Variants in SPOCK1 observed in about 807,000 individuals in gnomAD.
SPOCK1 encodes SPARC (osteonectin), cwcv and kazal like domains proteoglycan 1.
A neutral mutation model predicts 55.3 loss-of-function variants in SPOCK1; 23 were observed. That is an observed-to-expected ratio of 0.42 (90% CI 0.30 to 0.59). The LOEUF (loss-of-function observed/expected upper bound fraction) is 0.59. SPOCK1 is among the 20% of genes least tolerant of loss of function. SPOCK1 has a pLI of 0.22. For missense variants in SPOCK1, 499 were observed against 552.5 expected (o/e 0.90, Z 0.97); for synonymous variants, 226 against 221.0 (o/e 1.02, Z -0.20).
intron 8 of SPOCK1, among the ~76,000 whole-genome samples, chr5:136,985,458 C>T (rs576278437): frequency 7.2e-5 from 11 of 151,960 alleles, no homozygotes; most frequent in African/African-American, 2.4e-4. Context: ...CTAGTACCAA[C>T]TCAAGCAAAT....
At chr5:137,384,962 G>A (rs1042940986) in intron 2 of SPOCK1, among the ~76,000 whole-genome samples, 3 of 152,104 alleles carry the variant, frequency 2.0e-5, no homozygotes, top group Non-Finnish European at 2.9e-5. Flanking sequence ...TAGGATGGGG[G>A]GGGCGGTGCA....
intron 2 of SPOCK1, among the ~76,000 whole-genome samples, chr5:137,339,619 C>G (rs2127155291): frequency 6.6e-6 from 1 of 152,206 alleles, no homozygotes; most frequent in South Asian, 2.1e-4. Flanking sequence ...TCTTAAAGCT[C>G]CTTTTTTTTT....
At chr5:137,070,860 C>T (rs1752598339) in intron 5 of SPOCK1, among the ~76,000 whole-genome samples, 1 of 152,122 alleles carries the variant, frequency 6.6e-6, no homozygotes, top group South Asian at 2.1e-4. Context: ...CTGCAGGCAG[C>T]TCAGTCTCCT....
At chr5:137,191,616 T>C (rs1755180553) in intron 3 of SPOCK1, among the ~76,000 whole-genome samples, 5 of 152,242 alleles carry the variant, frequency 3.3e-5, no homozygotes, top group Admixed American at 2.6e-4. Flanking sequence ...AGATCAATCA[T>C]ACTTTCCAAA....
intron 2 of SPOCK1, among the ~76,000 whole-genome samples, chr5:137,376,862 A>C (rs1199020994): frequency 3.3e-5 from 5 of 152,180 alleles, no homozygotes; most frequent in African/African-American, 1.2e-4. Context: ...GAGTGGAAGG[A>C]CCATGGGTGA....
chr5:137,235,723 T>C (rs10900848), intron 3 of SPOCK1, among the ~76,000 whole-genome samples: 60,255 of 151,842 alleles, frequency 0.4, 13,007 homozygotes, highest in Non-Finnish European at 0.47. Flanking sequence ...CTACAAAGAG[T>C]GTGTGTTTAT....
rs1554093472 is a variant in SPOCK1, at chr5:137,024,314, A to AGT, written c.590-31715_590-31714insAC. ...TAAGCACTAAATTGCACCAGTTTGAAGGGGGGGGGGTAGTTACAACTGACT... is the reference window on the plus strand; with the variant it reads ...TAAGCACTAAATTGCACCAGTTTGAAGTGGGGGGGGGGTAGTTACAACTGACT... On this transcript the variant is annotated intron_variant, in intron 6 of 10. Transcript: ENST00000394945. 2.8e-3 allele frequency among the ~76,000 whole-genome samples: 334 copies of AGT among 119,260 alleles called. 8 individuals carry two copies. The highest frequency in any genetic ancestry group is 9.9e-3 in the African/African-American group (312 of 31,474). 78.2% of individuals were successfully genotyped at this position (119,260 alleles called of 152,430 possible).
intron 4 of SPOCK1, among the ~76,000 whole-genome samples, chr5:137,127,708 G>C (rs1753803701): frequency 6.6e-6 from 1 of 152,188 alleles, no homozygotes; most frequent in Admixed American, 6.5e-5. Flanking sequence ...TTTTGGGATG[G>C]GAATCCTATA....
chr5:137,175,544 C>A (rs1754837820), intron 3 of SPOCK1, among the ~76,000 whole-genome samples: 1 of 152,158 alleles, frequency 6.6e-6, no homozygotes, highest in African/African-American at 2.4e-5. Context: ...TATTGTCAGT[C>A]AATATAGCTT....
chr5:137,199,392 G>A (rs1028643119), intron 3 of SPOCK1, among the ~76,000 whole-genome samples: 4 of 152,082 alleles, frequency 2.6e-5, no homozygotes, highest in Non-Finnish European at 4.4e-5. Flanking sequence ...TTTCTCTTAA[G>A]TTCGGGCTGG....
At chr5:137,211,109 G>A (rs572602532) in intron 3 of SPOCK1, among the ~76,000 whole-genome samples, 213 of 152,290 alleles carry the variant, frequency 1.4e-3, no homozygotes, top group African/African-American at 4.3e-3. Flanking sequence ...AGAAACCTCC[G>A]AAGCCCCCAT....
At chr5:137,341,491 A>G (rs1394071198) in intron 2 of SPOCK1, among the ~76,000 whole-genome samples, 2 of 152,264 alleles carry the variant, frequency 1.3e-5, no homozygotes, top group Non-Finnish European at 2.9e-5. Flanking sequence ...AAAAAATAAA[A>G]GCAAAATGAA....
chr5:137,211,304 G>A (rs1755610895), intron 3 of SPOCK1, among the ~76,000 whole-genome samples: 1 of 152,136 alleles, frequency 6.6e-6, no homozygotes, highest in South Asian at 2.1e-4. Context: ...CCTTGAGCAA[G>A]TCTTTAAGTA....
chr5:137,139,691 T>C (rs1250911204), intron 4 of SPOCK1, among the ~76,000 whole-genome samples: 4 of 151,878 alleles, frequency 2.6e-5, no homozygotes, highest in South Asian at 2.1e-4. Flanking sequence ...CATGGGCAAC[T>C]CCAAAGCCCC....
intron 3 of SPOCK1, among the ~76,000 whole-genome samples, chr5:137,236,213 T>G (rs1756177066): frequency 6.6e-6 from 1 of 152,230 alleles, no homozygotes; most frequent in Non-Finnish European, 1.5e-5. Flanking sequence ...TGGCCTAAGC[T>G]GCCAGTGAGG....
rs549788430 is a variant in SPOCK1 at position 137,497,075 on chromosome 5, A to C, written c.186+1298T>G. Among the ~76,000 whole-genome samples the C allele has an allele frequency of 4.6e-5, 7 of 152,248 alleles. No individual in the cohort carries two copies. In the South Asian group the frequency reaches 1.5e-3, roughly 32 times the overall value. On this transcript the variant is annotated intron_variant, in intron 2 of 10. Coordinates refer to ENST00000394945, the MANE Select transcript of SPOCK1 (RefSeq NM_004598.4). ...GGGATCTGGAGAGGGTGCTCTTTAAAAAGTGTATGGAAACATCTGGGATTC... is the reference window on the plus strand; with the variant it reads ...GGGATCTGGAGAGGGTGCTCTTTAACAAGTGTATGGAAACATCTGGGATTC...
chr5:137,384,830 C>G (rs1751565594), intron 2 of SPOCK1, among the ~76,000 whole-genome samples: 1 of 151,984 alleles, frequency 6.6e-6, no homozygotes, highest in Non-Finnish European at 1.5e-5. Context: ...ATTTAGTGTC[C>G]ACCCTAAACC....
chr5:137,060,342 G>A (rs1752373630), intron 6 of SPOCK1, among the ~76,000 whole-genome samples: 1 of 152,134 alleles, frequency 6.6e-6, no homozygotes, highest in Non-Finnish European at 1.5e-5. Context: ...GCAAACTCAT[G>A]CAAGAACAGA....
chr5:137,026,446 G>C (rs1751676112), intron 6 of SPOCK1, among the ~76,000 whole-genome samples: 1 of 152,214 alleles, frequency 6.6e-6, no homozygotes. Flanking sequence ...CCCTGAAAAA[G>C]AGGGGGAATT....
Sources: gnomAD v4.1 joint callset for allele counts (sites outside exome capture counted in the v4.1 genomes callset) on GRCh38, gnomAD v4.1.1 for gene constraint, MANE v1.5 for transcripts, NCBI Gene and HGNC (gene_info 2026-07-23, HGNC 2026-07-21) for gene names.